WDR49: variants seen among roughly 807,000 people sequenced by gnomAD.
WDR49 encodes the protein WD repeat domain 49, also known as cilia- and flagella-associated protein 337.
WDR49 carries 107 observed loss-of-function variants against 119.5 expected under a neutral mutation model. The ratio of observed to expected loss-of-function variants is 0.90; its 90% CI spans 0.77 to 1.05. The LOEUF (loss-of-function observed/expected upper bound fraction) is 1.05. WDR49 is among the 50% of genes least tolerant of loss of function. WDR49 has a pLI of 0.00. For missense variants in WDR49, 1,240 were observed against 1,220.5 expected (o/e 1.02, Z -0.24); for synonymous variants, 425 against 418.8 (o/e 1.01, Z -0.18).
chr3:167,489,586 T>C (rs1455664554), intron 18 of WDR49, among the ~76,000 whole-genome samples: 3 of 152,260 alleles, frequency 2.0e-5, no homozygotes, highest in East Asian at 3.9e-4. Context: ...AAAGGAAAGA[T>C]GTGGTGGTCA....
intron 17 of WDR49, among the ~76,000 whole-genome samples, chr3:167,503,170 T>C (rs1751639762): frequency 6.6e-6 from 1 of 152,234 alleles, no homozygotes; most frequent in African/African-American, 2.4e-5. Flanking sequence ...CTTTGGTGGC[T>C]TCCACGTGGT....
intron 7 of WDR49, among the ~76,000 whole-genome samples, chr3:167,596,658 G>A (rs1228018630): frequency 2.3e-4 from 32 of 140,168 alleles, no homozygotes; most frequent in Non-Finnish European, 2.0e-4. Context: ...CTCATAGGTG[G>A]GAATTGAACA....
chr3:167,548,386 C>T (rs1469069176), intron 10 of WDR49, among the ~76,000 whole-genome samples: 1 of 151,906 alleles, frequency 6.6e-6, no homozygotes, highest in Non-Finnish European at 1.5e-5. Context: ...AACATCTCTG[C>T]CTACATTTAT....
chr3:167,554,595 T>A (rs1712803467), intron 10 of WDR49, 55 bp downstream of exon 10: 18 of 1,213,046 alleles, frequency 1.5e-5, no homozygotes, highest in Non-Finnish European at 1.8e-5. Context: ...ACCAAGATTT[T>A]TATGTTCTTT....
At chr3:167,616,108 C>T (rs1246162775) in intron 5 of WDR49, among the ~76,000 whole-genome samples, 1 of 152,130 alleles carries the variant, frequency 6.6e-6, no homozygotes, top group East Asian at 1.9e-4. Context: ...ACTATGGTGC[C>T]TACTACATAG....
chr3:167,573,676 G>A (rs1714070324), intron 8 of WDR49, among the ~76,000 whole-genome samples: 1 of 152,038 alleles, frequency 6.6e-6, no homozygotes, highest in African/African-American at 2.4e-5. Context: ...CAGATTCCCT[G>A]AGAGAATCTG....
At chr3:167,523,152 A>T (rs2108233169) in intron 15 of WDR49, among the ~76,000 whole-genome samples, 1 of 152,294 alleles carries the variant, frequency 6.6e-6, no homozygotes, top group African/African-American at 2.4e-5. Context: ...GCTGGTGCGC[A>T]AATTGATCAG....
intron 16 of WDR49, among the ~76,000 whole-genome samples, chr3:167,522,009 G>T (rs12495395): frequency 0.075 from 10,870 of 144,040 alleles, 755 homozygotes; most frequent in East Asian, 0.098. Context: ...TAGATAGATA[G>T]ATAGATAGAT....
Position 167,613,024 on chromosome 3 carries a change from T to A in WDR49, c.958+7405A>T, listed in dbSNP as rs542874489. Among the ~76,000 whole-genome samples the A allele has an allele frequency of 2.0e-5, 3 of 152,334 alleles. No homozygotes were observed. The South Asian group carries it at 6.2e-4, about 32-fold the overall frequency. ...TATAGTCAATAATAATGTAATTGTATATTTTAAAATAACTTATAGAGTGTA... is the reference window on the plus strand; with the variant it reads ...TATAGTCAATAATAATGTAATTGTAAATTTTAAAATAACTTATAGAGTGTA... On this transcript the variant is annotated intron_variant, in intron 5 of 18. Transcript: ENST00000682715.
chr3:167,563,056 A>G (rs565479661), intron 8 of WDR49, among the ~76,000 whole-genome samples: 1 of 152,324 alleles, frequency 6.6e-6, no homozygotes, highest in East Asian at 1.9e-4. Flanking sequence ...GTGAATGTAG[A>G]CAATTAAATT....
chr3:167,509,137 G>C (rs1751874431), intron 16 of WDR49, among the ~76,000 whole-genome samples: 1 of 152,046 alleles, frequency 6.6e-6, no homozygotes, highest in Admixed American at 6.6e-5. Flanking sequence ...TTCTAATAAT[G>C]AATCCCTTCC....
At chr3:167,634,263 G>A (rs928752373) in intron 2 of WDR49, among the ~76,000 whole-genome samples, 36 of 151,970 alleles carry the variant, frequency 2.4e-4, no homozygotes, top group Admixed American at 7.9e-4. Context: ...AAAATTATAT[G>A]AGCCATTAGA....
intron 10 of WDR49, among the ~76,000 whole-genome samples, chr3:167,547,586 A>C (rs938184274): frequency 2.0e-5 from 3 of 151,816 alleles, no homozygotes; most frequent in Non-Finnish European, 4.4e-5. Flanking sequence ...GAAGCAAGGA[A>C]AGGAAACAAC....
chr3:167,628,837 G>C (rs74510447), intron 2 of WDR49, among the ~76,000 whole-genome samples: 1 of 152,158 alleles, frequency 6.6e-6, no homozygotes, highest in Non-Finnish European at 1.5e-5. Flanking sequence ...GAGAGAAAAA[G>C]TCATGCCTGG....
intron 13 of WDR49, among the ~76,000 whole-genome samples, chr3:167,529,614 A>G (rs903474151): frequency 2.6e-5 from 4 of 152,130 alleles, no homozygotes; most frequent in African/African-American, 9.7e-5. Flanking sequence ...AATCTTCCCT[A>G]ATAACCCACT....
chr3:167,479,501 G>A (rs78033615), intron 18 of WDR49, among the ~76,000 whole-genome samples: 1,546 of 152,204 alleles, frequency 0.01, 25 homozygotes, highest in African/African-American at 0.036. Flanking sequence ...GTGAGAAGTA[G>A]GAGGAAATTG....
At chr3:167,653,230 AAACT>A in intron 2 of WDR49, 27 bp downstream of exon 2, 1 of 1,535,736 alleles carries the variant, frequency 6.5e-7, no homozygotes, top group South Asian at 1.2e-5. Flanking sequence ...TGAACAACTC[AAACT>A]ATCTGGTCAA....
intron 7 of WDR49, among the ~76,000 whole-genome samples, chr3:167,587,654 T>A (rs1714889050): frequency 6.6e-6 from 1 of 152,088 alleles, no homozygotes; most frequent in Non-Finnish European, 1.5e-5. Context: ...CCCACTAATT[T>A]TTGTATTTTT....
At chr3:167,484,851 A>C (rs577934913) in intron 18 of WDR49, among the ~76,000 whole-genome samples, 1 of 152,270 alleles carries the variant, frequency 6.6e-6, no homozygotes, top group South Asian at 2.1e-4. Context: ...ACTGGGGTAC[A>C]TAAAGGACTA....
Sources: gnomAD v4.1 joint callset for allele counts (sites outside exome capture counted in the v4.1 genomes callset) on GRCh38, gnomAD v4.1.1 for gene constraint, MANE v1.5 for transcripts, NCBI Gene and HGNC (gene_info 2026-07-23, HGNC 2026-07-21) for gene names.